ING1: variants seen among roughly 807,000 people sequenced by gnomAD.
The protein encoded by ING1 is inhibitor of growth protein 1.
Under a neutral mutation model 23.1 loss-of-function variants are expected in ING1, and 4 were observed. The observed-to-expected ratio is 0.17, with a 90% CI of 0.09 to 0.40. ING1 has a LOEUF of 0.40. Ranked by LOEUF, ING1 falls within the 10% of genes least tolerant of loss-of-function variation. The probability of loss-of-function intolerance (pLI) is 1.00; values close to 1 mark genes in which losing one functional copy is unlikely to be tolerated. For missense variants in ING1, 256 were observed against 393.8 expected (o/e 0.65, Z 2.96); for synonymous variants, 179 against 166.4 (o/e 1.08, Z -0.58).
At chr13:110,712,992 C>T (rs1311775060), upstream of ING1, 1 of 1,548,532 alleles carries the variant, frequency 6.5e-7, no homozygotes, top group Non-Finnish European at 8.7e-7. Context: ...GTCTCCCGCG[C>T]ACTCTGCGGC....
chr13:110,715,018 C>G, intron 1 of ING1: 1 of 992,818 alleles, frequency 1.0e-6, no homozygotes, highest in Non-Finnish European at 1.2e-6. Context: ...GCGCTGCGCT[C>G]GGGGGGGCGC....
rs1164955161 is a variant in ING1, at chr13:110,722,940, T to C, written c.*3008T>C. The C allele has an allele frequency of 2.0e-5, 3 of 152,188 alleles. No individual in the cohort carries two copies. The highest frequency in any genetic ancestry group is 1.5e-5 in the Non-Finnish European group (1 of 68,044). The allele number at this position is 152,188 out of a possible 1,614,324, so 9.4% of individuals were successfully genotyped here. On this transcript the variant is annotated 3_prime_UTR_variant, in exon 2 of 2. Coordinates refer to ENST00000333219, the MANE Select transcript of ING1 (RefSeq NM_198219.3). Reference sequence around the variant, plus strand: ...CATGAGGACAAAAATGGTACTGAATTCTTTTTGAAAAATAGATTACTGAAA... The same window carrying C: ...CATGAGGACAAAAATGGTACTGAATCCTTTTTGAAAAATAGATTACTGAAA...
At chr13:110,714,826 G>A (rs1233870312) in intron 1 of ING1, among the ~76,000 whole-genome samples, 1 of 152,254 alleles carries the variant, frequency 6.6e-6, no homozygotes, top group African/African-American at 2.4e-5. Flanking sequence ...ACTCCGCTCG[G>A]GGTAGGTCGG....
chr13:110,715,388 A>C lies in ING1; in HGVS notation c.136+1103A>C, dbSNP rs547969691. Reference sequence around the variant, plus strand: ...GTAGCTTCGCAGCGAATTTTATAGGAACTTCATTAGCATATTATGGAACGT... The same window carrying C: ...GTAGCTTCGCAGCGAATTTTATAGGCACTTCATTAGCATATTATGGAACGT... On this transcript the variant is annotated intron_variant, in intron 1 of 1. Coordinates refer to ENST00000333219, the MANE Select transcript of ING1 (RefSeq NM_198219.3). 8.6e-6 allele frequency: 13 copies of C among 1,504,438 alleles called. No individual in the cohort carries two copies. In the African/African-American group the frequency reaches 9.8e-5, roughly 11 times the overall value. The allele number at this position is 1,504,438 out of a possible 1,614,324, so 93.2% of individuals were successfully genotyped here.
At position 110,719,993 on chromosome 13, in the gene ING1, G is replaced by A; in HGVS notation, c.*61G>A. On this transcript the variant is annotated 3_prime_UTR_variant, in exon 2 of 2. Transcript: ENST00000333219. This position sits in a 1 kb window ranked among gnomAD's most constrained non-coding sequence, Gnocchi z 8.9. Reference sequence around the variant, plus strand: ...TAAACCGTGTATTTATTACATTGCTGCCTTTGTTGAGGTGCAAGGAGTGTA... The same window carrying A: ...TAAACCGTGTATTTATTACATTGCTACCTTTGTTGAGGTGCAAGGAGTGTA... The A allele has an allele frequency of 8.0e-7, 1 of 1,249,950 alleles. No individual in the cohort carries two copies. The highest frequency in any genetic ancestry group is 1.1e-6 in the Non-Finnish European group (1 of 904,036). 77.4% of individuals were successfully genotyped at this position (1,249,950 alleles called of 1,614,324 possible). A position where few individuals can be genotyped will look rare whatever the true frequency, so the allele number is the denominator to read the frequency against.
At chr13:110,713,312 G>A (rs188821827), upstream of ING1, 50 of 1,179,410 alleles carry the variant, frequency 4.2e-5, no homozygotes, top group African/African-American at 6.3e-4. Flanking sequence ...CCATGGTCTC[G>A]GAGGTTTCTG....
upstream of ING1, chr13:110,712,671 C>T: frequency 1.5e-6 from 1 of 648,450 alleles, no homozygotes; most frequent in Non-Finnish European, 2.9e-6. Flanking sequence ...AGCTGAATGG[C>T]CTCAGGACGC....
chr13:110,713,348 G>A (rs1260845032), upstream of ING1: 1 of 1,094,306 alleles, frequency 9.1e-7, no homozygotes, highest in Non-Finnish European at 1.1e-6. Context: ...GGTCCTGGTC[G>A]GGTTTTCAGC....
intron 1 of ING1, chr13:110,715,791 G>T: frequency 6.3e-7 from 1 of 1,590,914 alleles, no homozygotes. Context: ...CTCCCCATTG[G>T]CTGGAGGCCT....
At chr13:110,715,678 G>A (rs748845044) in intron 1 of ING1, 4 of 1,605,088 alleles carry the variant, frequency 2.5e-6, no homozygotes, top group Admixed American at 1.7e-5. Context: ...GTGCTCTTCC[G>A]CCCTGCGGTG....
rs556821678 is a variant in ING1 at position 110,713,913 on chromosome 13, G to T, written c.-237G>T. ...AGAGGGGGCCTGCGCCGCCGGCCGG[G>T]GCGTGCGCCCGGGAGCCACCGCCAC... On this transcript the variant is annotated 5_prime_UTR_variant, in exon 1 of 2. Transcript: ENST00000333219. 3 of 982,732 alleles carry T rather than the reference G, an allele frequency of 3.1e-6. No homozygotes were observed. In the East Asian group the frequency reaches 3.4e-4, roughly 111 times the overall value. The allele number at this position is 982,732 out of a possible 1,614,324, so 60.9% of individuals were successfully genotyped here.
Position 110,715,532 on chromosome 13 carries a change from T to C in ING1, c.136+1247T>C. The stretch of plus-strand genomic sequence containing the variant: ...GGCGGGCCTAGCGCAATAACTGGTA[T>C]GGGTCTGTGTTTCCGCTGTCTTCTT... On this transcript the variant is annotated intron_variant, in intron 1 of 1. Transcript: ENST00000333219. 6.2e-7 allele frequency: 1 copy of C among 1,614,182 alleles called. No individual in the cohort carries two copies. The highest frequency in any genetic ancestry group is 8.5e-7 in the Non-Finnish European group (1 of 1,180,032).
chr13:110,716,834 A>T (rs888199124), intron 1 of ING1, among the ~76,000 whole-genome samples: 2 of 152,188 alleles, frequency 1.3e-5, no homozygotes, highest in Admixed American at 6.5e-5. Context: ...GAAAAAGCAG[A>T]GTGTCTGGAA....
rs935561781 is a variant in ING1, at chr13:110,722,026, A to G, written c.*2094A>G. 3.3e-5 allele frequency: 5 copies of G among 152,220 alleles called. No homozygotes were observed. Among genetic ancestry groups the G allele is most frequent in the Non-Finnish European group, 5.9e-5 (4 of 68,038 alleles). The allele number at this position is 152,220 out of a possible 1,614,324, so 9.4% of individuals were successfully genotyped here. A position where few individuals can be genotyped will look rare whatever the true frequency, so the allele number is the denominator to read the frequency against. On this transcript the variant is annotated 3_prime_UTR_variant, in exon 2 of 2. Coordinates refer to ENST00000333219, the MANE Select transcript of ING1 (RefSeq NM_198219.3). ...GGCATGTATTTATTATAAGTAAAAC[A>G]TTAAGTTTGCTGATTGTTTACTTGT...
rs578081182 is a variant in ING1 at position 110,717,552 on chromosome 13, C to T, written c.137-1677C>T. On this transcript the variant is annotated intron_variant, in intron 1 of 1. Transcript: ENST00000333219. ...TTTACAAGTAGTATTGTTGGCCAGGCACGGTGGCTCACTCCTGTAATCCCA... is the reference window on the plus strand; with the variant it reads ...TTTACAAGTAGTATTGTTGGCCAGGTACGGTGGCTCACTCCTGTAATCCCA... Among the ~76,000 whole-genome samples, 8 of 152,302 alleles carry T rather than the reference C, an allele frequency of 5.3e-5. 1 individual carries two copies. The highest frequency in any genetic ancestry group is 1.9e-4 in the African/African-American group (8 of 41,570).
At chr13:110,713,020 C>T, upstream of ING1, 3 of 1,512,642 alleles carry the variant, frequency 2.0e-6, 1 homozygote, top group South Asian at 2.4e-5. Context: ...CAAAGGACAC[C>T]GAGAGGGTGC....
Position 110,715,621 on chromosome 13 carries a change from C to T in ING1, c.136+1336C>T, listed in dbSNP as rs758813445. 9 of 1,613,854 alleles carry T rather than the reference C, an allele frequency of 5.6e-6. No homozygotes were observed. The African/African-American group carries it at 1.1e-4, about 19-fold the overall frequency. On this transcript the variant is annotated intron_variant, in intron 1 of 1. Transcript: ENST00000333219. ...AGTTGATTTGAACGTCTTCGGGTCG[C>T]TCGGCCTCCAGCCTTGGATTGGTTC...
At chr13:110,716,334 C>G (rs1017807612) in intron 1 of ING1, among the ~76,000 whole-genome samples, 4 of 152,110 alleles carry the variant, frequency 2.6e-5, no homozygotes, top group South Asian at 2.1e-4. Context: ...GTCCTGCCCC[C>G]CCGGGAGTAC....
intron 1 of ING1, chr13:110,715,085 C>T: frequency 5.8e-6 from 6 of 1,039,540 alleles, no homozygotes; most frequent in Non-Finnish European, 6.9e-6. Flanking sequence ...GTGCGTCGTT[C>T]TCTGCAGACC....
Sources: gnomAD v4.1 joint callset for allele counts (sites outside exome capture counted in the v4.1 genomes callset) on GRCh38, gnomAD v4.1.1 for gene constraint, Gnocchi (gnomAD v3.1) non-coding constraint, MANE v1.5 for transcripts, NCBI Gene and HGNC (gene_info 2026-07-23, HGNC 2026-07-21) for gene names.